Variants in PDIA6 observed in about 807,000 individuals in gnomAD.
The protein encoded by PDIA6 is protein disulfide isomerase family A member 6, also known as protein disulfide-isomerase A6.
In PDIA6, 29 loss-of-function variants were observed where a neutral mutation model predicts 58.4. The ratio of observed to expected loss-of-function variants is 0.50; its 90% CI spans 0.37 to 0.68. PDIA6 has a LOEUF of 0.68. Among genes scored for constraint, PDIA6 ranks in the 30% least tolerant of loss-of-function variants. The pLI, the probability that PDIA6 is intolerant of heterozygous loss-of-function variation, is 0.00. For missense variants in PDIA6, 480 were observed against 551.0 expected, an observed-to-expected ratio of 0.87 and a Z score of 1.29; for synonymous variants, 192 against 202.6, an observed-to-expected ratio of 0.95 and a Z score of 0.44.
In PDIA6 at chr2:10,784,110, C is replaced by T. The variant is rs1490357585; in HGVS notation, c.*148G>A. 2.1e-6 allele frequency: 1 copy of T among 486,338 alleles called. No homozygotes were observed. Among genetic ancestry groups the T allele is most frequent in the Non-Finnish European group, 3.6e-6 (1 of 276,332 alleles). The allele number at this position is 486,338 out of a possible 1,614,324, so 30.1% of individuals were successfully genotyped here. ...CTTGAGATGCAAAAGTTCACTGTTGCAGTGTTTTCAAATGACCAATCAAGT... is the reference window on the plus strand; with the variant it reads ...CTTGAGATGCAAAAGTTCACTGTTGTAGTGTTTTCAAATGACCAATCAAGT... On this transcript the variant is annotated 3_prime_UTR_variant, in exon 13 of 13. Transcript: ENST00000272227.
chr2:10,803,274 C>A (rs1367619476), intron 1 of PDIA6, among the ~76,000 whole-genome samples: 1 of 152,210 alleles, frequency 6.6e-6, no homozygotes, highest in East Asian at 1.9e-4. Flanking sequence ...TCTCCTGCTT[C>A]AGCCTCCCAA....
Position 10,789,801 on chromosome 2 carries a change from G to A in PDIA6, c.788C>T (p.Ser263Phe). The A allele has an allele frequency of 6.2e-7, 1 of 1,613,904 alleles. No individual in the cohort carries two copies. The highest frequency in any genetic ancestry group is 1.1e-5 in the South Asian group (1 of 91,066). The change falls in exon 8 of 13, where the codon TCC becomes TTC. Residue 263 changes from serine (S) to phenylalanine (F), a missense_variant. Transcript: ENST00000272227. ...DGGRTRSDIV[S>F]RALDLFSDNA... ...ATCAGAAAACAAATCAAGGGCCCGG[G>A]ACACGATGTCGGATCTTGTCCGCCC... is the stretch of plus-strand genomic sequence containing the variant.
chr2:10,836,459 C>T (rs903688433), upstream of PDIA6, among the ~76,000 whole-genome samples: 12 of 151,926 alleles, frequency 7.9e-5, no homozygotes, highest in Non-Finnish European at 1.5e-4. Flanking sequence ...GCAGTCAGCC[C>T]GCTGTGGCCT....
chr2:10,787,477 T>G lies in PDIA6; in HGVS notation c.999-38A>C. ...ACTGGTTTTTAGGGCAAATATGTCT[T>G]TTAAATTGCTTACGATCTAACTAGA... is the stretch of plus-strand genomic sequence containing the variant. On this transcript the variant is annotated intron_variant, in intron 10 of 12. Transcript: ENST00000272227. 6 of 1,564,594 alleles carry G rather than the reference T, an allele frequency of 3.8e-6. No individual in the cohort carries two copies. The South Asian group carries it at 5.7e-5, about 15-fold the overall frequency.
intron 1 of PDIA6, 108 bp downstream of exon 1, chr2:10,812,570 C>A: frequency 8.6e-7 from 1 of 1,160,680 alleles, no homozygotes; most frequent in African/African-American, 1.6e-5. Context: ...CCCGCCAGGC[C>A]CACTTCCGGC....
chr2:10,801,541 T>C (rs933652547), intron 2 of PDIA6, among the ~76,000 whole-genome samples: 3 of 152,206 alleles, frequency 2.0e-5, no homozygotes, highest in Non-Finnish European at 2.9e-5. Flanking sequence ...GCTAGTATAA[T>C]TGAGCTAATC....
chr2:10,816,522 C>CTTTTTTTTTTTTTTTTTTTTTTT (rs772701227), upstream of PDIA6, among the ~76,000 whole-genome samples: 5 of 138,216 alleles, frequency 3.6e-5, 1 homozygote, highest in African/African-American at 5.6e-5. Flanking sequence ...CCTTTTTGTG[C>CTTTTTTTTTTTTTTTTTTTTTTT]TTTCTTTTTT....
chr2:10,785,601 T>G, intron 11 of PDIA6, among the ~76,000 whole-genome samples: 1 of 152,174 alleles, frequency 6.6e-6, no homozygotes, highest in South Asian at 2.1e-4. Flanking sequence ...TAACAATCTA[T>G]GGCACCAATG....
At chr2:10,789,027 C>T in intron 8 of PDIA6, 46 bp from the exon 9 acceptor site, 1 of 1,396,954 alleles carries the variant, frequency 7.2e-7, no homozygotes, top group African/African-American at 1.4e-5. Context: ...CTGCATGATA[C>T]AACACCTAAA....
chr2:10,803,168 A>G (rs1326752823), intron 1 of PDIA6, among the ~76,000 whole-genome samples: 1 of 152,154 alleles, frequency 6.6e-6, no homozygotes, highest in Non-Finnish European at 1.5e-5. Flanking sequence ...TTATTTATTT[A>G]TATTTTGAGA....
chr2:10,796,822 G>A (rs541312229), intron 4 of PDIA6, among the ~76,000 whole-genome samples: 2 of 152,066 alleles, frequency 1.3e-5, no homozygotes, highest in African/African-American at 2.4e-5. Context: ...AAGACAACAG[G>A]GTAGCACAGA....
chr2:10,790,724 A>T lies in PDIA6; in HGVS notation c.694T>A (p.Tyr232Asn), dbSNP rs372148080. 6.2e-7 allele frequency: 1 copy of T among 1,608,868 alleles called. No homozygotes were observed. Among genetic ancestry groups the T allele is most frequent in the African/African-American group, 1.3e-5 (1 of 74,830 alleles). ...ATVNQVLASR[Y>N]GIRGFPTIKI... ...AGCCTTATAAGTATACTCACCCCGT[A>T]TCGGGAGGCCAGAACCTGATTGACT... The change falls in exon 7 of 13, where the codon TAC becomes AAC. Residue 232 changes from tyrosine (Y) to asparagine (N), a missense_variant. Coordinates refer to ENST00000272227, the MANE Select transcript of PDIA6 (RefSeq NM_005742.4).
intron 1 of PDIA6, among the ~76,000 whole-genome samples, chr2:10,824,241 A>G (rs1457391167): frequency 6.6e-6 from 1 of 151,196 alleles, no homozygotes; most frequent in East Asian, 2.0e-4. Context: ...CTGTTGCTTC[A>G]TGGCTGTGTC....
chr2:10,809,818 T>C (rs1666930098), intron 1 of PDIA6, among the ~76,000 whole-genome samples: 1 of 152,174 alleles, frequency 6.6e-6, no homozygotes, highest in Non-Finnish European at 1.5e-5. Context: ...AAGAGTAAGT[T>C]ACAGATATTT....
chr2:10,837,043 G>A (rs959110093), upstream of PDIA6, among the ~76,000 whole-genome samples: 1 of 152,184 alleles, frequency 6.6e-6, no homozygotes, highest in Non-Finnish European at 1.5e-5. Flanking sequence ...GAAATCCCAC[G>A]TCTCCTAAAC....
intron 1 of PDIA6, among the ~76,000 whole-genome samples, chr2:10,820,206 T>C (rs893413812): frequency 2.0e-5 from 3 of 152,210 alleles, no homozygotes; most frequent in Non-Finnish European, 4.4e-5. Context: ...CTCTCTGTTA[T>C]AGAAGGGGGT....
chr2:10,801,039 G>A (rs1374681273), intron 2 of PDIA6, among the ~76,000 whole-genome samples: 2 of 152,174 alleles, frequency 1.3e-5, no homozygotes, highest in African/African-American at 2.4e-5. Flanking sequence ...AGCACTTTGC[G>A]AGGCCGAGAC....
chr2:10,799,482 G>A (rs1485276975), intron 2 of PDIA6, among the ~76,000 whole-genome samples: 1 of 152,194 alleles, frequency 6.6e-6, no homozygotes, highest in Non-Finnish European at 1.5e-5. Flanking sequence ...CAGTGTCAGA[G>A]CTGCCTGACA....
At chr2:10,836,837 CTG>C (rs1333623374), upstream of PDIA6, among the ~76,000 whole-genome samples, 1 of 152,128 alleles carries the variant, frequency 6.6e-6, no homozygotes, top group East Asian at 1.9e-4. Flanking sequence ...AAGAAGGGAC[CTG>C]TGTCTCAGGG....
Sources: gnomAD v4.1 joint callset for allele counts (sites outside exome capture counted in the v4.1 genomes callset) on GRCh38, gnomAD v4.1.1 for gene constraint, MANE v1.5 for transcripts, NCBI Gene and HGNC (gene_info 2026-07-23, HGNC 2026-07-21) for gene names.